Variants in CALN1 observed in about 807,000 individuals in gnomAD.
The protein encoded by CALN1 is calneuron 1, also known as calcium-binding protein 8.
CALN1 carries 17 observed loss-of-function variants against 30.6 expected under a neutral mutation model. The observed-to-expected ratio is 0.56, with a 90% CI of 0.38 to 0.83. CALN1 has a LOEUF of 0.83. Ranked by LOEUF, CALN1 falls within the 40% of genes least tolerant of loss-of-function variation. CALN1 has a pLI of 0.00. For synonymous variants in CALN1, 156 were observed against 131.4 expected (o/e 1.19, Z -1.28); for missense variants, 291 against 354.9 (o/e 0.82, Z 1.45).
chr7:72,145,402 T>C (rs1294821389), intron 3 of CALN1, among the ~76,000 whole-genome samples: 1 of 151,942 alleles, frequency 6.6e-6, no homozygotes, highest in Non-Finnish European at 1.5e-5. Context: ...ACACATACAC[T>C]CTCCCAAGAC....
At chr7:72,313,226 C>A (rs960885404) in intron 2 of CALN1, among the ~76,000 whole-genome samples, 1 of 152,074 alleles carries the variant, frequency 6.6e-6, no homozygotes, top group African/African-American at 2.4e-5. Context: ...GAGGTCAACC[C>A]AGATGAGTAT....
At chr7:71,859,493 G>C (rs1403415665) in intron 5 of CALN1, among the ~76,000 whole-genome samples, 1 of 152,162 alleles carries the variant, frequency 6.6e-6, no homozygotes, top group African/African-American at 2.4e-5. Context: ...AGGAACTTCT[G>C]TTTCTCCTTC....
At chr7:72,205,582 A>G (rs1444028479) in intron 3 of CALN1, among the ~76,000 whole-genome samples, 9 of 132,672 alleles carry the variant, frequency 6.8e-5, no homozygotes, top group South Asian at 2.5e-4. Context: ...ATATATATAT[A>G]TATATTCAGG....
intron 2 of CALN1, among the ~76,000 whole-genome samples, chr7:72,315,772 G>C (rs1296619690): frequency 6.6e-6 from 1 of 152,050 alleles, no homozygotes; most frequent in Non-Finnish European, 1.5e-5. Context: ...TAGAAATAAA[G>C]CCTCTTTTCA....
intron 5 of CALN1, among the ~76,000 whole-genome samples, chr7:71,853,580 A>AC (rs1554355770): frequency 1.4e-5 from 2 of 139,486 alleles, no homozygotes; most frequent in Non-Finnish European, 3.2e-5. Flanking sequence ...TGAAATTTTA[A>AC]TTTTTTTTTT....
the CALN1 span, among the ~76,000 whole-genome samples, chr7:72,458,297 C>A: frequency 3.3e-5 from 1 of 30,606 alleles, no homozygotes; most frequent in East Asian, 1.0e-3. Flanking sequence ...ATAATATATT[C>A]TATATTATAT....
chr7:71,891,131 G>C (rs1793217072), intron 5 of CALN1, among the ~76,000 whole-genome samples: 1 of 152,010 alleles, frequency 6.6e-6, no homozygotes, highest in Admixed American at 6.5e-5. Flanking sequence ...CAATTTTCAT[G>C]GCTGTATAAT....
At chr7:71,840,812 C>A (rs898685596) in intron 5 of CALN1, among the ~76,000 whole-genome samples, 1 of 152,112 alleles carries the variant, frequency 6.6e-6, no homozygotes, top group Non-Finnish European at 1.5e-5. Flanking sequence ...TTCGTTAGCA[C>A]TGTTTGACCA....
intron 2 of CALN1, among the ~76,000 whole-genome samples, chr7:72,330,274 C>T (rs995663106): frequency 6.6e-5 from 10 of 152,062 alleles, no homozygotes; most frequent in Admixed American, 4.6e-4. Flanking sequence ...GCCTGGGTGA[C>T]ACAGTGAGAC....
intron 1 of CALN1, among the ~76,000 whole-genome samples, chr7:72,408,526 TG>T (rs1806862511): frequency 2.0e-5 from 3 of 152,020 alleles, no homozygotes; most frequent in Admixed American, 1.3e-4. Context: ...AATATGTTGG[TG>T]ATGTTGGTGA....
chr7:72,456,838 C>A, the CALN1 span, among the ~76,000 whole-genome samples: 1 of 151,966 alleles, frequency 6.6e-6, no homozygotes, highest in South Asian at 2.1e-4. Flanking sequence ...TGGAGTGAGA[C>A]CCTGTCTAAA....
intron 3 of CALN1, among the ~76,000 whole-genome samples, chr7:72,173,059 T>C (rs1269993645): frequency 6.6e-6 from 1 of 151,922 alleles, no homozygotes; most frequent in Non-Finnish European, 1.5e-5. Flanking sequence ...TGTATAGAAA[T>C]GTACAAGATA....
intron 5 of CALN1, among the ~76,000 whole-genome samples, chr7:71,856,090 T>G (rs62459051): frequency 0.32 from 48,882 of 151,600 alleles, 8,551 homozygotes; most frequent in Middle Eastern, 0.5. Flanking sequence ...ATATTAAAGA[T>G]ATGCATGTAT....
chr7:72,463,717 C>A, the CALN1 span, among the ~76,000 whole-genome samples: 1 of 151,666 alleles, frequency 6.6e-6, no homozygotes, highest in Non-Finnish European at 1.5e-5. Context: ...GCATCACTAC[C>A]GCTGGCAAAT....
intron 5 of CALN1, among the ~76,000 whole-genome samples, chr7:71,945,331 A>G (rs1037485939): frequency 6.6e-6 from 1 of 152,324 alleles, no homozygotes; most frequent in South Asian, 2.1e-4. Context: ...TAGCAACACA[A>G]AATGGGCTAA....
chr7:72,224,356 T>C (rs1438050510), intron 3 of CALN1, among the ~76,000 whole-genome samples: 1 of 152,078 alleles, frequency 6.6e-6, no homozygotes, highest in African/African-American at 2.4e-5. Context: ...TCCTAAGTCA[T>C]ATGGAAGGCA....
chr7:72,149,123 T>G (rs1338045403), intron 3 of CALN1, among the ~76,000 whole-genome samples: 1 of 152,136 alleles, frequency 6.6e-6, no homozygotes, highest in Non-Finnish European at 1.5e-5. Context: ...CAGAAGCAGA[T>G]GCTGACACTA....
intron 3 of CALN1, among the ~76,000 whole-genome samples, chr7:72,122,221 A>T (rs978260500): frequency 6.6e-6 from 1 of 152,196 alleles, no homozygotes; most frequent in Non-Finnish European, 1.5e-5. Flanking sequence ...TCATTAGATC[A>T]CACTGTTCCT....
At chr7:71,788,003 A>C in intron 6 of CALN1, 101 bp from the exon 7 acceptor site, 1 of 1,507,294 alleles carries the variant, frequency 6.6e-7, no homozygotes, top group South Asian at 1.2e-5. Flanking sequence ...CTTCCTCAAC[A>C]GGCCAGCAGT....
Sources: allele counts gnomAD v4.1 joint callset (sites outside exome capture counted in the v4.1 genomes callset), GRCh38; gene constraint gnomAD v4.1.1; transcripts MANE v1.5; gene names NCBI Gene and HGNC (gene_info 2026-07-23, HGNC 2026-07-21).